The following COL4A4 variants were observed in gnomAD, a reference collection of about 807,000 sequenced individuals.
COL4A4 encodes collagen type IV alpha 4 chain, also known as collagen alpha-4(IV) chain.
COL4A4 carries 105 observed loss-of-function variants against 192.9 expected under a neutral mutation model. The ratio of observed to expected loss-of-function variants is 0.54; its 90% CI spans 0.46 to 0.64. The LOEUF is 0.64. COL4A4 is among the 30% of genes least tolerant of loss of function. The probability of loss-of-function intolerance (pLI) is 0.00; values close to 1 mark genes in which losing one functional copy is unlikely to be tolerated. For missense variants in COL4A4, 1,967 were observed against 2,169.3 expected (o/e 0.91, Z 1.85); for synonymous variants, 762 against 769.9 (o/e 0.99, Z 0.17).
At chr2:227,142,729 T>G (rs2125325818) in intron 3 of COL4A4, among the ~76,000 whole-genome samples, 1 of 151,540 alleles carries the variant, frequency 6.6e-6, no homozygotes, top group Admixed American at 6.6e-5. Context: ...GCACTCCAGC[T>G]TGGGTGACAC....
intron 20 of COL4A4, among the ~76,000 whole-genome samples, chr2:227,091,652 G>A (rs989567987): frequency 3.3e-5 from 5 of 152,110 alleles, no homozygotes; most frequent in Non-Finnish European, 7.4e-5. Flanking sequence ...CCAGCACTTT[G>A]GGAGGCCAAA....
downstream of COL4A4, among the ~76,000 whole-genome samples, chr2:226,999,953 G>A (rs1420536818): frequency 1.6e-4 from 25 of 152,146 alleles, no homozygotes; most frequent in Non-Finnish European, 1.5e-5. Context: ...CTTGTTTAGT[G>A]CCTGGATGAA....
At chr2:227,089,588 C>CATATACATATATATATATATAT (rs2059785799) in intron 21 of COL4A4, among the ~76,000 whole-genome samples, 1 of 102,228 alleles carries the variant, frequency 9.8e-6, no homozygotes, top group Non-Finnish European at 2.0e-5. Flanking sequence ...GCAAATGTTC[C>CATATACATATATATATATATAT]ATATATATAT....
intron 22 of COL4A4, among the ~76,000 whole-genome samples, chr2:227,082,883 G>C (rs1306364232): frequency 3.3e-5 from 5 of 152,140 alleles, no homozygotes; most frequent in Non-Finnish European, 7.3e-5. Context: ...TGAATAATTT[G>C]AGTCATACTT....
intron 40 of COL4A4, among the ~76,000 whole-genome samples, chr2:227,031,589 T>C (rs977117391): frequency 6.6e-6 from 1 of 152,192 alleles, no homozygotes; most frequent in Non-Finnish European, 1.5e-5. Flanking sequence ...TATGTGACAG[T>C]TGCTAGAGAC....
At chr2:227,049,225 C>T (rs1973528815) in intron 34 of COL4A4, among the ~76,000 whole-genome samples, 1 of 152,184 alleles carries the variant, frequency 6.6e-6, no homozygotes, top group African/African-American at 2.4e-5. Context: ...ATATCCTGCT[C>T]TTTGTTTGTT....
At chr2:227,112,596 T>TTA (rs2061277478) in intron 8 of COL4A4, among the ~76,000 whole-genome samples, 1 of 152,142 alleles carries the variant, frequency 6.6e-6, no homozygotes, top group African/African-American at 2.4e-5. Flanking sequence ...AGTGTACAGG[T>TTA]AGTTCACTTA....
At chr2:227,139,567 T>G (rs947783338) in intron 4 of COL4A4, among the ~76,000 whole-genome samples, 2 of 152,182 alleles carry the variant, frequency 1.3e-5, no homozygotes, top group Non-Finnish European at 2.9e-5. Flanking sequence ...CTGGGTGGAC[T>G]TGAGCAAGAC....
intron 22 of COL4A4, 123 bp from the exon 23 acceptor site, chr2:227,082,310 T>C: frequency 2.2e-6 from 2 of 921,534 alleles, no homozygotes; most frequent in South Asian, 1.3e-5. Flanking sequence ...AGCTTGGCAT[T>C]CTTGGTCTCT....
intron 44 of COL4A4, among the ~76,000 whole-genome samples, chr2:227,014,349 G>A (rs1045541204): frequency 6.6e-6 from 1 of 152,218 alleles, no homozygotes; most frequent in Non-Finnish European, 1.5e-5. Context: ...AGGTGATGCT[G>A]ATGCTGCCAG....
At chr2:227,026,763 T>A (rs1236906860) in intron 42 of COL4A4, among the ~76,000 whole-genome samples, 1 of 152,210 alleles carries the variant, frequency 6.6e-6, no homozygotes, top group Non-Finnish European at 1.5e-5. Context: ...GGTTAAAAAG[T>A]GTTGCCTATA....
Position 227,042,911 on chromosome 2 carries a change from G to T in COL4A4, c.3397+166C>A, listed in dbSNP as rs73995525. On this transcript the variant is annotated intron_variant, in intron 36 of 47. Transcript: ENST00000396625. ...CCAAGTCACTCAGTGAAACCCACTA[G>T]CTTATAGGTGAGGCATAGGTGAGCT... Among the ~76,000 whole-genome samples the T allele has an allele frequency of 0.032, 4,851 of 152,322 alleles. 251 individuals are homozygous for T. The highest frequency in any genetic ancestry group is 0.11 in the African/African-American group (4,594 of 41,558).
rs1454739595 is a variant in COL4A4, at chr2:227,046,014, G to GTA, written c.3289+1459_3289+1460dup. Reference sequence around the variant, plus strand: ...TTAGATATTTAGATATATTTAGATAGTATATATGTATATATGTATACATAT... The same window carrying GTA: ...TTAGATATTTAGATATATTTAGATAGTATATATATGTATATATGTATACATAT... On this transcript the variant is annotated intron_variant, in intron 35 of 47. Transcript: ENST00000396625. Among the ~76,000 whole-genome samples the GTA allele has an allele frequency of 6.6e-4, 37 of 56,300 alleles. 1 individual carries two copies. Among genetic ancestry groups the GTA allele is most frequent in the African/African-American group, 2.7e-3 (34 of 12,792 alleles). 36.9% of individuals were successfully genotyped at this position (56,300 alleles called of 152,430 possible).
rs778161679 is a variant in COL4A4 at position 227,050,066 on chromosome 2, A to T, written c.3214+2T>A. The stretch of plus-strand genomic sequence containing the variant: ...GATGGCTTCTGTATCTCCAAACCAT[A>T]CCTTTAGGTCCTCTTGCTCCATCAA... On this transcript the variant is annotated splice_donor_variant, in intron 34 of 47. Transcript: ENST00000396625. LOFTEE classifies it high-confidence loss of function. 1.2e-6 allele frequency: 2 copies of T among 1,613,700 alleles called. No individual in the cohort carries two copies. The highest frequency in any genetic ancestry group is 2.7e-5 in the African/African-American group (2 of 74,900).
intron 37 of COL4A4, among the ~76,000 whole-genome samples, chr2:227,034,898 A>G (rs1969294208): frequency 6.6e-6 from 1 of 151,084 alleles, no homozygotes; most frequent in Middle Eastern, 3.2e-3. Context: ...ACATGAACTC[A>G]TCATTTTTTA....
At chr2:227,010,216 A>G (rs1270061090) in intron 46 of COL4A4, 97 bp downstream of exon 46, 21 of 1,238,524 alleles carry the variant, frequency 1.7e-5, no homozygotes, top group Non-Finnish European at 2.3e-5. Flanking sequence ...ATAATCCCAT[A>G]TAAGGTTAGT....
At chr2:227,092,676 G>C (rs560902901) in intron 20 of COL4A4, among the ~76,000 whole-genome samples, 1 of 152,282 alleles carries the variant, frequency 6.6e-6, no homozygotes, top group Non-Finnish European at 1.5e-5. Context: ...AGATGTTCTG[G>C]AAAAGCAATA....
intron 4 of COL4A4, among the ~76,000 whole-genome samples, chr2:227,125,021 G>C (rs938136684): frequency 2.6e-5 from 4 of 152,020 alleles, no homozygotes; most frequent in Admixed American, 1.3e-4. Flanking sequence ...CCAATTAACT[G>C]ACTATAAATC....
chr2:227,140,875 T>TCA (rs71036159), intron 3 of COL4A4, among the ~76,000 whole-genome samples: 6,684 of 139,746 alleles, frequency 0.048, 191 homozygotes, highest in Middle Eastern at 0.11. Context: ...CTTTAGAGCA[T>TCA]CACACACACA....
Sources: gnomAD v4.1 joint callset for allele counts (sites outside exome capture counted in the v4.1 genomes callset) on GRCh38, gnomAD v4.1.1 for gene constraint, MANE v1.5 for transcripts, NCBI Gene and HGNC (gene_info 2026-07-23, HGNC 2026-07-21) for gene names.